The following TPST2 variants were observed in gnomAD, a reference collection of about 807,000 sequenced individuals.
The protein encoded by TPST2 is protein-tyrosine sulfotransferase 2.
Under a neutral mutation model 27.8 loss-of-function variants are expected in TPST2, and 16 were observed. The observed-to-expected ratio is 0.58, with a 90% CI of 0.39 to 0.88. TPST2 has a LOEUF of 0.88. TPST2 is among the 40% of genes least tolerant of loss of function. The pLI is 0.00. For synonymous variants in TPST2, 229 were observed against 231.7 expected, an observed-to-expected ratio of 0.99 and a Z score of 0.10; for missense variants, 464 against 543.1, an observed-to-expected ratio of 0.85 and a Z score of 1.45.
chr22:26,582,279 T>C (rs1289353578), intron 1 of TPST2, among the ~76,000 whole-genome samples: 2 of 152,040 alleles, frequency 1.3e-5, no homozygotes, highest in African/African-American at 4.8e-5. Context: ...ATACAAAAAT[T>C]AGCCGGGCAT....
rs1388596974 is a variant in TPST2, at chr22:26,572,473, CCT to C, written c.-161+17578_-161+17579del. On this transcript the variant is annotated intron_variant, in intron 1 of 6. Coordinates refer to ENST00000338754, the MANE Select transcript of TPST2 (RefSeq NM_003595.5). ...CCTCTTACATAATCCAATAAATTTA[CCT>C]TTTTGCTCAATGCTATGGAAGCTGG... Among the ~76,000 whole-genome samples, 6 of 152,264 alleles carry C rather than the reference CCT, an allele frequency of 3.9e-5. No individual in the cohort carries two copies. The East Asian group carries it at 1.2e-3, about 29-fold the overall frequency.
chr22:26,539,715 G>C (rs1925685897), intron 3 of TPST2, among the ~76,000 whole-genome samples: 1 of 152,130 alleles, frequency 6.6e-6, no homozygotes, highest in Non-Finnish European at 1.5e-5. Flanking sequence ...GCTGCAGTTA[G>C]CTGGGATCGT....
intron 1 of TPST2, among the ~76,000 whole-genome samples, chr22:26,557,434 T>C (rs1007999958): frequency 2.0e-5 from 3 of 152,200 alleles, no homozygotes; most frequent in Non-Finnish European, 4.4e-5. Flanking sequence ...AGGGGCTTAA[T>C]AAGGGAAAGA....
At chr22:26,563,393 A>G (rs1400165013) in intron 1 of TPST2, among the ~76,000 whole-genome samples, 1 of 141,630 alleles carries the variant, frequency 7.1e-6, no homozygotes, top group East Asian at 2.1e-4. Flanking sequence ...CAGTGGCGTG[A>G]TCTCAGCTCA....
chr22:26,569,991 A>AAGAAAGAAAGAAAGAAAGAAAGAAAG (rs1555934528), intron 1 of TPST2, among the ~76,000 whole-genome samples: 1 of 19,876 alleles, frequency 5.0e-5, no homozygotes, highest in African/African-American at 2.8e-4. Flanking sequence ...AAAAGAAAGA[A>AAGAAAGAAAGAAAGAAAGAAAGAAAG]AAAGAAAGAA....
chr22:26,574,539 G>A (rs1013687935), intron 1 of TPST2, among the ~76,000 whole-genome samples: 1 of 152,146 alleles, frequency 6.6e-6, no homozygotes, highest in Non-Finnish European at 1.5e-5. Context: ...ACTGCCTGAG[G>A]CACCTGTTTG....
At chr22:26,585,825 C>T (rs1054374048) in intron 1 of TPST2, among the ~76,000 whole-genome samples, 19 of 152,030 alleles carry the variant, frequency 1.2e-4, no homozygotes, top group African/African-American at 3.6e-4. Context: ...CCGAGGCGGG[C>T]GGATCACAAG....
At chr22:26,536,189 T>C (rs1411188545) in intron 4 of TPST2, 99 bp downstream of exon 4, 1 of 1,369,402 alleles carries the variant, frequency 7.3e-7, no homozygotes, top group Non-Finnish European at 1.0e-6. Flanking sequence ...GACCAGGAAT[T>C]GAGAGACTGA....
intron 2 of TPST2, among the ~76,000 whole-genome samples, chr22:26,542,272 T>A (rs1211206688): frequency 6.7e-6 from 1 of 149,512 alleles, no homozygotes; most frequent in African/African-American, 2.5e-5. Flanking sequence ...TGGAGTGCAT[T>A]GAGTGGTGAG....
At chr22:26,585,745 A>G (rs1325497683) in intron 1 of TPST2, among the ~76,000 whole-genome samples, 1 of 152,104 alleles carries the variant, frequency 6.6e-6, no homozygotes, top group Non-Finnish European at 1.5e-5. Flanking sequence ...TACACCCACA[A>G]AGTCACATCA....
At chr22:26,530,141 T>C (rs1323645625) in intron 5 of TPST2, among the ~76,000 whole-genome samples, 1 of 152,188 alleles carries the variant, frequency 6.6e-6, no homozygotes, top group African/African-American at 2.4e-5. Flanking sequence ...GTTGTTGTTG[T>C]TGCTGCTGTT....
At chr22:26,545,570 G>A (rs1441023136) in intron 1 of TPST2, among the ~76,000 whole-genome samples, 3 of 152,168 alleles carry the variant, frequency 2.0e-5, no homozygotes, top group Admixed American at 6.5e-5. Flanking sequence ...TGGGACAACT[G>A]AGGCCCACAA....
In TPST2 at chr22:26,583,436, C is replaced by CAAAAAAA. The variant is rs775047318; in HGVS notation, c.-161+6610_-161+6616dup. Among the ~76,000 whole-genome samples, 455 of 63,408 alleles carry CAAAAAAA rather than the reference C, an allele frequency of 7.2e-3. 6 individuals carry two copies. Among genetic ancestry groups the CAAAAAAA allele is most frequent in the African/African-American group, 0.014 (205 of 15,092 alleles). 41.6% of individuals were successfully genotyped at this position (63,408 alleles called of 152,430 possible). A position where few individuals can be genotyped will look rare whatever the true frequency, so the allele number is the denominator to read the frequency against. On this transcript the variant is annotated intron_variant, in intron 1 of 6. Transcript: ENST00000338754. ...TGGGCGACAGAAGGAAACTCCATCT[C>CAAAAAAA]AAAAAAAAAAAAAAAAAAAATGCCT...
At chr22:26,537,734 T>G (rs1329509401) in intron 3 of TPST2, among the ~76,000 whole-genome samples, 1 of 152,164 alleles carries the variant, frequency 6.6e-6, no homozygotes, top group Non-Finnish European at 1.5e-5. Flanking sequence ...ATTCCAGACA[T>G]AAGCCACTGT....
intron 1 of TPST2, among the ~76,000 whole-genome samples, chr22:26,554,256 G>C (rs985469664): frequency 6.6e-6 from 1 of 152,166 alleles, no homozygotes; most frequent in East Asian, 1.9e-4. Context: ...AGGTCAGACA[G>C]CTGCTCAGAG....
chr22:26,537,838 G>A (rs575033568), intron 3 of TPST2, among the ~76,000 whole-genome samples: 4 of 152,128 alleles, frequency 2.6e-5, no homozygotes, highest in South Asian at 2.1e-4. Flanking sequence ...ACAAACGCGC[G>A]TCTGCAGCTG....
chr22:26,552,208 C>T (rs866970370), intron 1 of TPST2, among the ~76,000 whole-genome samples: 3 of 152,160 alleles, frequency 2.0e-5, no homozygotes, highest in Non-Finnish European at 1.5e-5. Flanking sequence ...GTCATTACAG[C>T]ACATGGATAA....
chr22:26,532,631 A>G (rs2147176576), intron 5 of TPST2, 64 bp downstream of exon 5: 1 of 1,539,438 alleles, frequency 6.5e-7, no homozygotes, highest in Non-Finnish European at 9.0e-7. Context: ...ATCTAAGGGC[A>G]TACAGCCAGA....
chr22:26,555,782 C>G (rs1000409579), intron 1 of TPST2, among the ~76,000 whole-genome samples: 2 of 152,206 alleles, frequency 1.3e-5, no homozygotes, highest in African/African-American at 4.8e-5. Flanking sequence ...AGACAGGCAC[C>G]ACAACAAAGT....
Sources: gnomAD v4.1 joint callset for allele counts (sites outside exome capture counted in the v4.1 genomes callset) on GRCh38, gnomAD v4.1.1 for gene constraint, MANE v1.5 for transcripts, NCBI Gene and HGNC (gene_info 2026-07-23, HGNC 2026-07-21) for gene names.